Variants in ATP2B2 observed in about 807,000 individuals in gnomAD.
ATP2B2 encodes plasma membrane calcium-transporting ATPase 2.
Under a neutral mutation model 120.0 loss-of-function variants are expected in ATP2B2, and 15 were observed. The observed-to-expected ratio is 0.12, with a 90% CI of 0.08 to 0.19. ATP2B2 has a LOEUF of 0.19. Ranked by LOEUF, ATP2B2 falls within the 10% of genes least tolerant of loss-of-function variation. The pLI is 1.00. For missense variants in ATP2B2, 1,045 were observed against 1,719.8 expected, an observed-to-expected ratio of 0.61 and a Z score of 6.94; for synonymous variants, 694 against 700.3, an observed-to-expected ratio of 0.99 and a Z score of 0.14.
chr3:10,340,481 G>A lies in ATP2B2; in HGVS notation c.3129+12C>T, dbSNP rs2060244768. The A allele has an allele frequency of 6.2e-7, 1 of 1,614,086 alleles. No homozygotes were observed. Among genetic ancestry groups the A allele is most frequent in the Admixed American group, 1.7e-5 (1 of 60,012 alleles). ...CCCACCCCGGGCCTGGTTAGGGTGGGGGCCTCACTACCTGGATGGCAAAGG... is the reference window on the plus strand; with the variant it reads ...CCCACCCCGGGCCTGGTTAGGGTGGAGGCCTCACTACCTGGATGGCAAAGG... On this transcript the variant is annotated intron_variant, in intron 20 of 22. Coordinates refer to ENST00000360273, the MANE Select transcript of ATP2B2 (RefSeq NM_001001331.4). The surrounding 1 kb of genome is among the most constrained non-coding windows in gnomAD (Gnocchi z 5.0).
chr3:10,605,017 G>A (rs184496710), intron 2 of ATP2B2, among the ~76,000 whole-genome samples: 2 of 152,260 alleles, frequency 1.3e-5, no homozygotes, highest in African/African-American at 4.8e-5. Flanking sequence ...GCTTTTAATA[G>A]AATATGCCAC....
intron 1 of ATP2B2, among the ~76,000 whole-genome samples, chr3:10,701,296 C>T (rs2071814064): frequency 6.6e-6 from 1 of 152,132 alleles, no homozygotes; most frequent in African/African-American, 2.4e-5. Context: ...TATGCTGCAC[C>T]CTCCTTATAC....
chr3:10,576,023 G>A lies in ATP2B2; in HGVS notation c.-414-41890C>T, dbSNP rs114653740. Among the ~76,000 whole-genome samples the A allele has an allele frequency of 9.7e-3, 1,483 of 152,342 alleles. 11 individuals carry two copies. Among genetic ancestry groups the A allele is most frequent in the Middle Eastern group, 0.034 (10 of 294 alleles). On this transcript the variant is annotated intron_variant, in intron 2 of 21. Transcript: ENST00000646379. ...GGATGGCCTCACTCCCCTGCACAATGACCCTGTACCGCAAATGCTGCTAAC... is the reference window on the plus strand; with the variant it reads ...GGATGGCCTCACTCCCCTGCACAATAACCCTGTACCGCAAATGCTGCTAAC...
At chr3:10,407,952 C>T (rs1309079239) in intron 3 of ATP2B2, among the ~76,000 whole-genome samples, 1 of 152,222 alleles carries the variant, frequency 6.6e-6, no homozygotes, top group Middle Eastern at 3.2e-3. Context: ...CAGGGCCAGA[C>T]AGGCAGATCC....
At chr3:10,650,948 G>A (rs1214174469) in intron 1 of ATP2B2, among the ~76,000 whole-genome samples, 1 of 152,232 alleles carries the variant, frequency 6.6e-6, no homozygotes, top group Non-Finnish European at 1.5e-5. Context: ...TAAGCTTTAA[G>A]GCTTGACTGC....
At chr3:10,631,692 G>T (rs2069869217) in intron 1 of ATP2B2, among the ~76,000 whole-genome samples, 1 of 152,180 alleles carries the variant, frequency 6.6e-6, no homozygotes, top group Non-Finnish European at 1.5e-5. Context: ...AGACAGACTT[G>T]GGTTCCATAC....
chr3:10,573,486 C>T (rs1428500957), intron 2 of ATP2B2, among the ~76,000 whole-genome samples: 1 of 152,182 alleles, frequency 6.6e-6, no homozygotes, highest in Non-Finnish European at 1.5e-5. Flanking sequence ...ACTTTGATCA[C>T]TACCTGTTCC....
intron 2 of ATP2B2, among the ~76,000 whole-genome samples, chr3:10,564,689 TACAC>T (rs2067974714): frequency 6.6e-6 from 1 of 152,230 alleles, no homozygotes; most frequent in South Asian, 2.1e-4. Context: ...ATGTGCCACT[TACAC>T]ACCCTTTAGG....
At chr3:10,671,182 G>A (rs138598255) in intron 1 of ATP2B2, among the ~76,000 whole-genome samples, 112 of 152,244 alleles carry the variant, frequency 7.4e-4, no homozygotes, top group South Asian at 2.1e-3. Flanking sequence ...TGAATCTCCC[G>A]AATCAGGATT....
intron 1 of ATP2B2, among the ~76,000 whole-genome samples, chr3:10,632,698 A>G (rs1300205021): frequency 6.6e-6 from 1 of 152,208 alleles, no homozygotes; most frequent in Non-Finnish European, 1.5e-5. Context: ...TTCTCTTAGC[A>G]TCTAAAGAGG....
In ATP2B2 at chr3:10,358,753, C is replaced by T; in HGVS notation, c.2074G>A (p.Asp692Asn). The T allele has an allele frequency of 6.2e-7, 1 of 1,614,246 alleles. No individual in the cohort carries two copies. The highest frequency in any genetic ancestry group is 8.5e-7 in the Non-Finnish European group (1 of 1,180,046). ...SPEPDWDNEN[D>N]ILNELTCICV... is the part of the protein sequence containing the mutation. ...ATGCAGGTGAGTTCGTTGAGGATGTCATTCTCATTGTCCCAGTCCGGCTCC... is the reference window on the plus strand; with the variant it reads ...ATGCAGGTGAGTTCGTTGAGGATGTTATTCTCATTGTCCCAGTCCGGCTCC... Residue 692 changes from aspartate (D) to asparagine (N), a missense_variant, in exon 14 of 23, where the codon GAC becomes AAC. By Grantham distance (23) the Asp-to-Asn change is conservative. Transcript: ENST00000360273.
rs534753513 is a variant in ATP2B2, at chr3:10,379,078, C to T, written c.1042+165G>A. The stretch of plus-strand genomic sequence containing the variant: ...ACCGGTGGACACCTCTTTATTTGGC[C>T]TGGCACCATGCAAATCACAGCTACA... On this transcript the variant is annotated intron_variant, in intron 9 of 22. Transcript: ENST00000360273. Among the ~76,000 whole-genome samples, 3 of 152,322 alleles carry T rather than the reference C, an allele frequency of 2.0e-5. No homozygotes were observed. The Middle Eastern group carries it at 0.01, about 518-fold the overall frequency.
intron 2 of ATP2B2, among the ~76,000 whole-genome samples, chr3:10,611,189 G>C (rs190265661): frequency 9.2e-5 from 14 of 152,292 alleles, no homozygotes; most frequent in African/African-American, 2.4e-4. Flanking sequence ...TCCTGGTTTT[G>C]GGGGGACATT....
chr3:10,655,591 A>T lies in ATP2B2; in HGVS notation c.-459-35630T>A, dbSNP rs1407369897. The stretch of plus-strand genomic sequence containing the variant: ...AATGCCAGGTCCCAGAGCCCATCAA[A>T]TCCACAGTACAAGAGCCCAGGTGAT... On this transcript the variant is annotated intron_variant, in intron 1 of 21. Transcript: ENST00000646379. Among the ~76,000 whole-genome samples, 11 of 152,204 alleles carry T rather than the reference A, an allele frequency of 7.2e-5. No individual in the cohort carries two copies. The East Asian group carries it at 2.1e-3, about 29-fold the overall frequency.
chr3:10,690,625 C>CA (rs1300619611), intron 1 of ATP2B2, among the ~76,000 whole-genome samples: 2 of 152,142 alleles, frequency 1.3e-5, no homozygotes, highest in Non-Finnish European at 2.9e-5. Flanking sequence ...GAGGCAGATG[C>CA]ATAACACTTT....
chr3:10,700,055 T>C (rs1559526891), intron 1 of ATP2B2, among the ~76,000 whole-genome samples: 1 of 152,124 alleles, frequency 6.6e-6, no homozygotes, highest in Non-Finnish European at 1.5e-5. Flanking sequence ...AATACATATA[T>C]AGTTCCAGCT....
At chr3:10,698,938 G>A (rs568919448) in intron 1 of ATP2B2, among the ~76,000 whole-genome samples, 4 of 152,228 alleles carry the variant, frequency 2.6e-5, no homozygotes, top group Admixed American at 6.5e-5. Context: ...AATCATAACC[G>A]TCATCCACTC....
intron 5 of ATP2B2, among the ~76,000 whole-genome samples, chr3:10,391,391 G>C (rs920772648): frequency 1.3e-5 from 2 of 152,214 alleles, no homozygotes; most frequent in Non-Finnish European, 2.9e-5. Flanking sequence ...GGAAATGAAG[G>C]CATTGGTTCT....
chr3:10,527,156 T>C (rs192136994), intron 3 of ATP2B2, among the ~76,000 whole-genome samples: 268 of 152,314 alleles, frequency 1.8e-3, no homozygotes, highest in Non-Finnish European at 1.6e-3. Context: ...GCTGGGCAGG[T>C]AGTTTTCCTT....
Sources: gnomAD v4.1 joint callset for allele counts (sites outside exome capture counted in the v4.1 genomes callset) on GRCh38, gnomAD v4.1.1 for gene constraint, Gnocchi (gnomAD v3.1) non-coding constraint, MANE v1.5 for transcripts, NCBI Gene and HGNC (gene_info 2026-07-23, HGNC 2026-07-21) for gene names.